SAMMSON: variants seen among roughly 807,000 people sequenced by gnomAD.
SAMMSON encodes long intergenic non-protein coding RNA 1212.
intron 6 of SAMMSON, among the ~76,000 whole-genome samples, chr3:70,286,692 C>T (rs1263714022): frequency 6.6e-6 from 1 of 152,094 alleles, no homozygotes; most frequent in Non-Finnish European, 1.5e-5. Context: ...TACCCATGAG[C>T]ATGGAATGTT....
chr3:70,060,387 C>A (rs2067183086), intron 3 of SAMMSON, among the ~76,000 whole-genome samples: 2 of 152,038 alleles, frequency 1.3e-5, no homozygotes, highest in African/African-American at 4.8e-5. Flanking sequence ...AGGGGAAGTG[C>A]TATTTTCTCT....
At chr3:70,367,859 C>T (rs1030416693) in intron 9 of SAMMSON, among the ~76,000 whole-genome samples, 7 of 151,484 alleles carry the variant, frequency 4.6e-5, no homozygotes, top group Middle Eastern at 3.2e-3. Flanking sequence ...ACTAGAGTCC[C>T]CCTTTCTCCG....
intron 4 of SAMMSON, among the ~76,000 whole-genome samples, chr3:70,196,565 A>C (rs1701182977): frequency 6.6e-6 from 1 of 152,202 alleles, no homozygotes; most frequent in Admixed American, 6.5e-5. Context: ...ATTTGTCCTG[A>C]ATTTGTGAAT....
At chr3:70,206,420 A>G (rs1701291252) in intron 4 of SAMMSON, 1 of 392,858 alleles carries the variant, frequency 2.5e-6, no homozygotes, top group Non-Finnish European at 4.5e-6. Context: ...TGACCTTGAC[A>G]TATGTCATTC....
At chr3:70,104,274 T>C (rs566797647) in intron 4 of SAMMSON, among the ~76,000 whole-genome samples, 2 of 152,216 alleles carry the variant, frequency 1.3e-5, no homozygotes, top group African/African-American at 2.4e-5. Context: ...TGTTTTTTTT[T>C]TTCCTACGCT....
intron 2 of SAMMSON, among the ~76,000 whole-genome samples, chr3:70,419,365 C>A (rs73105763): frequency 0.074 from 11,309 of 152,054 alleles, 646 homozygotes; most frequent in East Asian, 0.28. Context: ...TATTTAATTT[C>A]TCCATTAAGT....
intron 4 of SAMMSON, among the ~76,000 whole-genome samples, chr3:70,222,646 G>C (rs541337802): frequency 2.6e-5 from 4 of 152,210 alleles, no homozygotes; most frequent in Non-Finnish European, 4.4e-5. Flanking sequence ...GGGCCTCCTA[G>C]GTTACTCAGA....
At chr3:70,225,526 G>A (rs1258119199) in intron 4 of SAMMSON, among the ~76,000 whole-genome samples, 1 of 152,118 alleles carries the variant, frequency 6.6e-6, no homozygotes, top group African/African-American at 2.4e-5. Flanking sequence ...GTTTAAGAAA[G>A]CAACGGTGTG....
chr3:70,271,421 A>T (rs1701974818), intron 6 of SAMMSON, among the ~76,000 whole-genome samples: 1 of 152,212 alleles, frequency 6.6e-6, no homozygotes, highest in African/African-American at 2.4e-5. Context: ...TGGGATGCAG[A>T]TTCAGTATCA....
intron 4 of SAMMSON, among the ~76,000 whole-genome samples, chr3:70,102,811 G>A (rs1423150125): frequency 6.6e-6 from 1 of 152,166 alleles, no homozygotes; most frequent in Non-Finnish European, 1.5e-5. Flanking sequence ...GTTAATGGAT[G>A]TATTTGGTTG....
chr3:70,156,730 G>A (rs2067593623), intron 4 of SAMMSON, among the ~76,000 whole-genome samples: 1 of 152,078 alleles, frequency 6.6e-6, no homozygotes, highest in Non-Finnish European at 1.5e-5. Flanking sequence ...TCTGGAAAAT[G>A]TCTGATTTTT....
chr3:70,389,443 A>G (rs1441812005), intron 9 of SAMMSON: 2 of 152,132 alleles, frequency 1.3e-5, no homozygotes, highest in South Asian at 2.1e-4. Context: ...TAAATGGGAC[A>G]TAGTTCTCTT....
chr3:70,144,730 G>A (rs1221315437), intron 4 of SAMMSON, among the ~76,000 whole-genome samples: 1 of 152,038 alleles, frequency 6.6e-6, no homozygotes, highest in Non-Finnish European at 1.5e-5. Context: ...TAATGAATGG[G>A]TCTCACAAGA....
chr3:70,292,962 A>T (rs1032999525), intron 7 of SAMMSON, among the ~76,000 whole-genome samples: 18 of 148,530 alleles, frequency 1.2e-4, no homozygotes, highest in Admixed American at 6.9e-4. Flanking sequence ...ATTACTAACA[A>T]TTTAAATGTT....
At chr3:70,318,481 A>AGTGT (rs1702511432) in intron 7 of SAMMSON, among the ~76,000 whole-genome samples, 1 of 106,838 alleles carries the variant, frequency 9.4e-6, no homozygotes, top group African/African-American at 3.3e-5. Context: ...TGTGTGTGTG[A>AGTGT]GTGTGTGTGT....
intron 2 of SAMMSON, among the ~76,000 whole-genome samples, chr3:70,408,899 C>T (rs1367846708): frequency 6.6e-6 from 1 of 152,182 alleles, no homozygotes; most frequent in Non-Finnish European, 1.5e-5. Flanking sequence ...ATTGGGCTTA[C>T]AATTCCACCT....
At chr3:70,106,519 T>C (rs924600424) in intron 4 of SAMMSON, among the ~76,000 whole-genome samples, 1 of 151,784 alleles carries the variant, frequency 6.6e-6, no homozygotes, top group Non-Finnish European at 1.5e-5. Context: ...TTTTTTTTTT[T>C]TCTAGAGATA....
At chr3:70,087,430 C>T (rs2067289702) in intron 4 of SAMMSON, among the ~76,000 whole-genome samples, 1 of 152,054 alleles carries the variant, frequency 6.6e-6, no homozygotes, top group Admixed American at 6.6e-5. Flanking sequence ...AGCCTGAGAC[C>T]TTTTTCTCTG....
chr3:70,201,484 T>A (rs752084604), intron 4 of SAMMSON, among the ~76,000 whole-genome samples: 5 of 152,192 alleles, frequency 3.3e-5, no homozygotes, highest in Admixed American at 6.5e-5. Context: ...TCTTTGCTAT[T>A]GCAAATTTTG....
Sources: allele counts gnomAD v4.1 joint callset (sites outside exome capture counted in the v4.1 genomes callset), GRCh38; gene constraint gnomAD v4.1.1; transcripts MANE v1.5; gene names NCBI Gene and HGNC (gene_info 2026-07-23, HGNC 2026-07-21).